The following KLHL1 variants were observed in gnomAD, a reference collection of about 807,000 sequenced individuals.
KLHL1 encodes the protein kelch-like protein 1.
A neutral mutation model predicts 77.7 loss-of-function variants in KLHL1; 47 were observed. The observed-to-expected ratio is 0.60, with a 90% CI of 0.48 to 0.77. The LOEUF is 0.77. Among genes scored for constraint, KLHL1 ranks in the 30% least tolerant of loss-of-function variants. The pLI is 0.00. For missense variants in KLHL1, 925 were observed against 910.8 expected, an observed-to-expected ratio of 1.02 and a Z score of -0.20; for synonymous variants, 360 against 325.2, an observed-to-expected ratio of 1.11 and a Z score of -1.15.
chr13:69,822,257 G>T (rs1159599361), intron 6 of KLHL1, among the ~76,000 whole-genome samples: 2 of 151,330 alleles, frequency 1.3e-5, no homozygotes, highest in Non-Finnish European at 2.9e-5. Flanking sequence ...ATGAATATTG[G>T]CAGCAGATTT....
At chr13:69,942,737 T>C (rs1883405225) in intron 3 of KLHL1, among the ~76,000 whole-genome samples, 1 of 152,138 alleles carries the variant, frequency 6.6e-6, no homozygotes. Flanking sequence ...AGCCATCACA[T>C]GTCACCCCTA....
At chr13:69,847,784 T>C (rs1879528446) in intron 5 of KLHL1, among the ~76,000 whole-genome samples, 2 of 151,518 alleles carry the variant, frequency 1.3e-5, no homozygotes, top group African/African-American at 4.8e-5. Flanking sequence ...AATTGATTCC[T>C]ATTAGAAGTG....
intron 1 of KLHL1, among the ~76,000 whole-genome samples, chr13:70,065,114 G>A (rs907702815): frequency 3.9e-5 from 6 of 152,022 alleles, no homozygotes; most frequent in Non-Finnish European, 8.8e-5. Context: ...CAAGACCAGA[G>A]CCCCCAGGAA....
chr13:69,826,656 A>G (rs144908760), intron 6 of KLHL1, among the ~76,000 whole-genome samples: 408 of 152,326 alleles, frequency 2.7e-3, no homozygotes, highest in Non-Finnish European at 4.2e-3. Flanking sequence ...GAGGCAATTT[A>G]TATGTTAATT....
intron 7 of KLHL1, among the ~76,000 whole-genome samples, chr13:69,785,209 T>G (rs1340567382): frequency 6.6e-6 from 1 of 152,122 alleles, no homozygotes; most frequent in Non-Finnish European, 1.5e-5. Context: ...TACATTTTTT[T>G]CAGCACCACA....
chr13:70,034,420 G>A (rs1011280265), intron 1 of KLHL1, among the ~76,000 whole-genome samples: 3 of 152,136 alleles, frequency 2.0e-5, no homozygotes, highest in Non-Finnish European at 4.4e-5. Flanking sequence ...ATCTCCATCT[G>A]TCTGCTGAGC....
In KLHL1 at chr13:70,080,007, T is replaced by G. The variant is rs147077685; in HGVS notation, c.497+27196A>C. Among the ~76,000 whole-genome samples the G allele has an allele frequency of 3.4e-3, 525 of 152,328 alleles. 8 individuals carry two copies. Among genetic ancestry groups the G allele is most frequent in the African/African-American group, 0.012 (494 of 41,588 alleles). On this transcript the variant is annotated intron_variant, in intron 1 of 10. Transcript: ENST00000377844. The stretch of plus-strand genomic sequence containing the variant: ...ATCCCATAGTTCTTGATCCAATCTC[T>G]GGCTCAGTAGGTAAAAGAAGGGATT...
At chr13:70,060,471 T>G (rs1252396410) in intron 1 of KLHL1, among the ~76,000 whole-genome samples, 2 of 152,144 alleles carry the variant, frequency 1.3e-5, no homozygotes, top group African/African-American at 2.4e-5. Context: ...CCTCCCATGT[T>G]TATTGCTGCA....
rs550409904 is a variant in KLHL1 at position 70,098,765 on chromosome 13, T to C, written c.497+8438A>G. Among the ~76,000 whole-genome samples, 7 of 151,928 alleles carry C rather than the reference T, an allele frequency of 4.6e-5. No individual in the cohort carries two copies. The South Asian group carries it at 1.5e-3, about 31-fold the overall frequency. On this transcript the variant is annotated intron_variant, in intron 1 of 10. Transcript: ENST00000377844. Reference sequence around the variant, plus strand: ...TTTCACAGAGCATTTTTTACTATCATAGGATATCTTAATGTTCCTATATAC... The same window carrying C: ...TTTCACAGAGCATTTTTTACTATCACAGGATATCTTAATGTTCCTATATAC...
At chr13:69,733,645 A>C (rs1184738359) in intron 8 of KLHL1, among the ~76,000 whole-genome samples, 1 of 152,182 alleles carries the variant, frequency 6.6e-6, no homozygotes, top group Non-Finnish European at 1.5e-5. Flanking sequence ...ATGTGATAGC[A>C]CTAGTCATCA....
At chr13:70,054,878 G>A (rs1008761245) in intron 1 of KLHL1, among the ~76,000 whole-genome samples, 1 of 151,536 alleles carries the variant, frequency 6.6e-6, no homozygotes, top group African/African-American at 2.4e-5. Context: ...TACAGTCAGA[G>A]GAGACAAAAG....
intron 5 of KLHL1, among the ~76,000 whole-genome samples, chr13:69,841,057 T>A (rs1879240745): frequency 6.6e-6 from 1 of 151,950 alleles, no homozygotes; most frequent in African/African-American, 2.4e-5. Flanking sequence ...TGGGATTAGT[T>A]GATCATAAAG....
chr13:69,997,557 T>C (rs1037904873), intron 1 of KLHL1, among the ~76,000 whole-genome samples: 65 of 151,136 alleles, frequency 4.3e-4, no homozygotes, highest in Admixed American at 8.6e-4. Flanking sequence ...AATTATGTAG[T>C]ACTTGTCCAT....
chr13:69,892,607 A>G (rs1205480889), intron 4 of KLHL1, among the ~76,000 whole-genome samples: 1 of 137,870 alleles, frequency 7.3e-6, no homozygotes, highest in Admixed American at 6.9e-5. Flanking sequence ...AACTTCTCAG[A>G]AAAAAAAACA....
At chr13:70,106,197 T>C (rs1566580406) in intron 1 of KLHL1, among the ~76,000 whole-genome samples, 1 of 151,894 alleles carries the variant, frequency 6.6e-6, no homozygotes, top group Non-Finnish European at 1.5e-5. Flanking sequence ...AAGATGCTTC[T>C]GTTACTAATT....
At chr13:69,789,525 CAT>C (rs1876759134) in intron 7 of KLHL1, among the ~76,000 whole-genome samples, 1 of 151,924 alleles carries the variant, frequency 6.6e-6, no homozygotes, top group South Asian at 2.1e-4. Context: ...ATTAAAATGA[CAT>C]AAACAGTATA....
At chr13:69,930,933 T>TAA (rs1882985708) in intron 4 of KLHL1, among the ~76,000 whole-genome samples, 1 of 151,636 alleles carries the variant, frequency 6.6e-6, no homozygotes, top group Non-Finnish European at 1.5e-5. Context: ...GATTTTAACT[T>TAA]CATCAATTTT....
chr13:69,832,760 C>T (rs1460090183), intron 6 of KLHL1, among the ~76,000 whole-genome samples: 6 of 151,960 alleles, frequency 3.9e-5, no homozygotes, highest in African/African-American at 1.4e-4. Flanking sequence ...AAAATAGGCA[C>T]ACAGACAAAT....
At chr13:69,829,091 C>G (rs1452644196) in intron 6 of KLHL1, among the ~76,000 whole-genome samples, 2 of 150,722 alleles carry the variant, frequency 1.3e-5, no homozygotes, top group East Asian at 3.9e-4. Context: ...CTGATGCTCT[C>G]TTGAAAGTTC....
Sources: allele counts gnomAD v4.1 joint callset (sites outside exome capture counted in the v4.1 genomes callset), GRCh38; gene constraint gnomAD v4.1.1; transcripts MANE v1.5; gene names NCBI Gene and HGNC (gene_info 2026-07-23, HGNC 2026-07-21).